Variants in ADAMTS7 observed in about 807,000 individuals in gnomAD.
ADAMTS7 encodes ADAM metallopeptidase with thrombospondin type 1 motif 7.
ADAMTS7 carries 89 observed loss-of-function variants against 172.6 expected under a neutral mutation model. The observed-to-expected ratio is 0.52, with a 90% CI of 0.43 to 0.61. ADAMTS7 has a LOEUF of 0.61. ADAMTS7 is among the 20% of genes least tolerant of loss of function. ADAMTS7 has a pLI of 0.00. For missense variants in ADAMTS7, 1,973 were observed against 2,355.6 expected (o/e 0.84, Z 3.36); for synonymous variants, 885 against 978.4 (o/e 0.90, Z 1.78).
chr15:78,785,145 G>A (rs2141502261), intron 8 of ADAMTS7, among the ~76,000 whole-genome samples: 1 of 152,242 alleles, frequency 6.6e-6, no homozygotes, highest in South Asian at 2.1e-4. Flanking sequence ...ATCTGGTAGG[G>A]ATTACCTTTG....
chr15:78,764,095 G>C lies in ADAMTS7; in HGVS notation c.4424C>G (p.Ser1475Cys). 6.6e-7 allele frequency: 1 copy of C among 1,525,434 alleles called. No homozygotes were observed. Among genetic ancestry groups the C allele is most frequent in the Non-Finnish European group, 8.8e-7 (1 of 1,132,598 alleles). 94.5% of individuals were successfully genotyped at this position (1,525,434 alleles called of 1,614,324 possible). A position where few individuals can be genotyped will look rare whatever the true frequency, so the allele number is the denominator to read the frequency against. Reference sequence around the variant, plus strand: ...TGAGGAACCTCCGCCGCAGCTGCGGGAGCACTGGGGACCGAGAGACGTGTA... The same window carrying C: ...TGAGGAACCTCCGCCGCAGCTGCGGCAGCACTGGGGACCGAGAGACGTGTA... ...TWHSGNWSKC[S>C]RSCGGGSSVR... Residue 1475 changes from serine to cysteine, a missense_variant, in exon 21 of 24, where the codon TCC (serine) becomes TGC (cysteine). This residue lies in a region of ADAMTS7 where 218 missense variants were observed against 216.9 expected (regional missense o/e 1.01). Transcript: ENST00000388820.
intron 1 of ADAMTS7, chr15:78,810,642 G>C (rs1230309061): frequency 6.5e-6 from 1 of 152,808 alleles, no homozygotes; most frequent in Non-Finnish European, 1.5e-5. Context: ...GTGGGCGGGA[G>C]CTGGGGGGGC....
intron 2 of ADAMTS7, 28 bp from the exon 3 acceptor site, chr15:78,798,141 G>A: frequency 6.5e-7 from 1 of 1,527,844 alleles, no homozygotes; most frequent in Non-Finnish European, 8.7e-7. Context: ...GGGTCACACA[G>A]GGAGGGCTGG....
chr15:78,788,147 C>T (rs2055531051), intron 8 of ADAMTS7, 84 bp downstream of exon 8: 1 of 1,549,604 alleles, frequency 6.5e-7, no homozygotes, highest in Non-Finnish European at 8.8e-7. Flanking sequence ...CTACCCCGGC[C>T]CTGCAGTATG....
At chr15:78,803,347 G>A (rs2055749784) in intron 1 of ADAMTS7, among the ~76,000 whole-genome samples, 1 of 152,192 alleles carries the variant, frequency 6.6e-6, no homozygotes, top group Non-Finnish European at 1.5e-5. Flanking sequence ...GTGATAGAGT[G>A]AGACATTATC....
At chr15:78,783,688 C>T (rs994528317) in intron 8 of ADAMTS7, among the ~76,000 whole-genome samples, 4 of 152,268 alleles carry the variant, frequency 2.6e-5, no homozygotes, top group African/African-American at 9.6e-5. Context: ...AATAACCTCG[C>T]AGAGATAAGA....
chr15:78,759,783 C>G (rs564493612), intron 23 of ADAMTS7, among the ~76,000 whole-genome samples: 1 of 152,194 alleles, frequency 6.6e-6, no homozygotes. Context: ...CCCCAGGACT[C>G]GAGAACGGGT....
In ADAMTS7 at chr15:78,789,774, T is replaced by C. The variant is rs772354556; in HGVS notation, c.1093A>G (p.Met365Val). The change falls in exon 7 of 24, where the codon ATG (methionine) becomes GTG (valine). Residue 365 changes from methionine (M) to valine (V), a missense_variant. By Grantham distance (21) the Met-to-Val change is conservative. Around this residue, in one of 8 missense-constraint regions of ADAMTS7, gnomAD observed 526 missense variants for 662.9 expected, o/e 0.79. Coordinates refer to ENST00000388820, the MANE Select transcript of ADAMTS7 (RefSeq NM_014272.5). ...ETLGLSHVAG[M>V]CQPHRSCSIN... The stretch of plus-strand genomic sequence containing the variant: ...CTGCAGCTGCGGTGCGGCTGGCACA[T>C]GCCCGCCACATGGGACAGTCCCAGG... The C allele has an allele frequency of 2.1e-5, 33 of 1,608,782 alleles. No individual in the cohort carries two copies. In the East Asian group the frequency reaches 5.8e-4, roughly 28 times the overall value.
rs2055253003 is a variant in ADAMTS7 at position 78,771,731 on chromosome 15, G to A, written c.2230C>T (p.Pro744Ser). The A allele has an allele frequency of 6.2e-7, 1 of 1,610,648 alleles. No homozygotes were observed. Among genetic ancestry groups the A allele is most frequent in the Non-Finnish European group, 8.5e-7 (1 of 1,179,982 alleles). Residue 744 changes from proline to serine, a missense_variant, in exon 15 of 24, where the codon CCG becomes TCG. By Grantham distance (74) the Pro-to-Ser change is moderately conservative (BLOSUM62 -1). Transcript: ENST00000388820. The surrounding 1 kb of genome is among the most constrained non-coding windows in gnomAD (Gnocchi z 4.9). ...ANFLALRSED[P>S]EKYFLNGGWT... ...CCACCATTGAGGAAGTACTTCTCCG[G>A]GTCCTCGCTCCGCAGTGCCAGGAAG...
At chr15:78,762,358 C>T in intron 23 of ADAMTS7, 45 bp downstream of exon 23, 1 of 1,361,140 alleles carries the variant, frequency 7.3e-7, no homozygotes, top group Non-Finnish European at 9.6e-7. Context: ...TCACCCTCCC[C>T]ACCCCACCTC....
At chr15:78,795,076 G>A (rs2055625963) in intron 4 of ADAMTS7, among the ~76,000 whole-genome samples, 1 of 152,240 alleles carries the variant, frequency 6.6e-6, no homozygotes, top group Non-Finnish European at 1.5e-5. Context: ...AAGTGGGGGT[G>A]AAATGAACCC....
chr15:78,769,924 A>G (rs1351663489), intron 16 of ADAMTS7, among the ~76,000 whole-genome samples: 1 of 152,196 alleles, frequency 6.6e-6, no homozygotes, highest in Non-Finnish European at 1.5e-5. Flanking sequence ...CACTATGGGA[A>G]GCCAAGGCGG....
At position 78,768,942 on chromosome 15, in the gene ADAMTS7, G is replaced by A. The variant is rs192605476; in HGVS notation, c.2519-683C>T. Among the ~76,000 whole-genome samples the A allele has an allele frequency of 4.2e-3, 640 of 152,290 alleles. 4 individuals carry two copies. The highest frequency in any genetic ancestry group is 0.014 in the African/African-American group (583 of 41,560). On this transcript the variant is annotated intron_variant, in intron 16 of 23. Coordinates refer to ENST00000388820, the MANE Select transcript of ADAMTS7 (RefSeq NM_014272.5). ...CCGGGGCTGGCTTGGGTGATGAGGC[G>A]GGTGAAGGGCATGAGGCCAGGTGGC...
rs1318537417 is a variant in ADAMTS7, at chr15:78,806,091, A to AC, written c.100+5029_100+5030insG. Among the ~76,000 whole-genome samples the AC allele has an allele frequency of 9.3e-3, 255 of 27,418 alleles. 11 individuals carry two copies. The highest frequency in any genetic ancestry group is 0.036 in the African/African-American group (240 of 6,722). The allele number at this position is 27,418 out of a possible 152,430, so 18.0% of individuals were successfully genotyped here. A position where few individuals can be genotyped will look rare whatever the true frequency, so the allele number is the denominator to read the frequency against. ...CGAGACTCTGACTCCCCCCCCCAAA[A>AC]ACACACACACACACACACACACACA... On this transcript the variant is annotated intron_variant, in intron 1 of 23. Coordinates refer to ENST00000388820, the MANE Select transcript of ADAMTS7 (RefSeq NM_014272.5).
intron 8 of ADAMTS7, among the ~76,000 whole-genome samples, chr15:78,784,351 C>T (rs573341503): frequency 1.5e-4 from 17 of 116,662 alleles, no homozygotes; most frequent in African/African-American, 4.7e-4. Flanking sequence ...GGCAACAAAG[C>T]GAGACTCAAA....
intron 8 of ADAMTS7, among the ~76,000 whole-genome samples, chr15:78,786,149 C>T (rs371199128): frequency 3.3e-5 from 5 of 151,592 alleles, no homozygotes; most frequent in Middle Eastern, 3.4e-3. Context: ...AGGCTTGTCT[C>T]GAACTCCTGA....
rs778158115 is a variant in ADAMTS7, at chr15:78,776,876, C to T, written c.1468-35G>A. ...GGAGGGCATGGGCCATACCCTCACACCCTCCCCAGTGCCGCCACCCACCCT... is the reference window on the plus strand; with the variant it reads ...GGAGGGCATGGGCCATACCCTCACATCCTCCCCAGTGCCGCCACCCACCCT... On this transcript the variant is annotated intron_variant, in intron 9 of 23. Transcript: ENST00000388820. 49 of 1,506,686 alleles carry T rather than the reference C, an allele frequency of 3.3e-5. No individual in the cohort carries two copies. In the East Asian group the frequency reaches 6.7e-4, roughly 21 times the overall value. 93.3% of individuals were successfully genotyped at this position (1,506,686 alleles called of 1,614,324 possible). A position where few individuals can be genotyped will look rare whatever the true frequency, so the allele number is the denominator to read the frequency against.
At chr15:78,806,123 CACACAAAAAAAAAAAA>C (rs1173264489) in intron 1 of ADAMTS7, among the ~76,000 whole-genome samples, 13 of 20,112 alleles carry the variant, frequency 6.5e-4, no homozygotes, top group African/African-American at 1.7e-3. Context: ...CACACACACA[CACACAAAAAAAAAAAA>C]AAAAAAAAAA....
intron 22 of ADAMTS7, 71 bp from the exon 23 acceptor site, chr15:78,762,636 T>C (rs2055065402): frequency 2.5e-6 from 3 of 1,184,060 alleles, no homozygotes; most frequent in Non-Finnish European, 3.4e-6. Flanking sequence ...ACACCTCCTC[T>C]GGGAAGCCGT....
Sources: allele counts gnomAD v4.1 joint callset (sites outside exome capture counted in the v4.1 genomes callset), GRCh38; gene constraint gnomAD v4.1.1; regional missense constraint gnomAD v4.1.1; non-coding constraint Gnocchi (gnomAD v3.1); transcripts MANE v1.5; gene names NCBI Gene and HGNC (gene_info 2026-07-23, HGNC 2026-07-21).